The following PHACTR3 variants were observed in gnomAD, a reference collection of about 807,000 sequenced individuals.
PHACTR3 encodes protein phosphatase 1, regulatory subunit 123.
PHACTR3 carries 16 observed loss-of-function variants against 66.8 expected under a neutral mutation model. The observed-to-expected ratio is 0.24, with a 90% CI of 0.16 to 0.36. The LOEUF (loss-of-function observed/expected upper bound fraction) is 0.36, where lower values mean the gene tolerates loss of function less well. Ranked by LOEUF, PHACTR3 falls within the 10% of genes least tolerant of loss-of-function variation. The pLI, the probability that PHACTR3 is intolerant of heterozygous loss-of-function variation, is 1.00. For synonymous variants in PHACTR3, 323 were observed against 292.1 expected (o/e 1.11, Z -1.08); for missense variants, 647 against 719.9 (o/e 0.90, Z 1.16).
intron 7 of PHACTR3, among the ~76,000 whole-genome samples, chr20:59,783,884 G>A (rs7272815): frequency 0.038 from 5,770 of 152,292 alleles, 321 homozygotes; most frequent in African/African-American, 0.12. Flanking sequence ...CAGCTGTTCT[G>A]GGCCAGCCGT....
rs558623974 is a variant in PHACTR3 at position 59,738,255 on chromosome 20, C to T, written c.119-4852C>T. On this transcript the variant is annotated intron_variant, in intron 1 of 12. Transcript: ENST00000371015. The surrounding 1 kb of genome is among the most constrained non-coding windows in gnomAD (Gnocchi z 4.4). ...AGCCTGGGGTGCCTGGTCCCAGCCCCCATGTTCTTCACAGCTACGTCACAC... is the reference window on the plus strand; with the variant it reads ...AGCCTGGGGTGCCTGGTCCCAGCCCTCATGTTCTTCACAGCTACGTCACAC... Among the ~76,000 whole-genome samples the T allele has an allele frequency of 8.5e-5, 13 of 152,204 alleles. No individual in the cohort carries two copies. The South Asian group carries it at 1.9e-3, about 22-fold the overall frequency.
intron 1 of PHACTR3, among the ~76,000 whole-genome samples, chr20:59,652,913 T>C (rs767313176): frequency 4.6e-5 from 7 of 151,996 alleles, no homozygotes; most frequent in Admixed American, 6.6e-5. Flanking sequence ...TGCATTTTCA[T>C]GTGTGTGTGT....
chr20:59,776,640 G>A (rs1292177485), intron 7 of PHACTR3, among the ~76,000 whole-genome samples: 1 of 151,868 alleles, frequency 6.6e-6, no homozygotes, highest in Non-Finnish European at 1.5e-5. Context: ...TGGCGTTAAA[G>A]GTATAATGCA....
At chr20:59,588,167 G>A (rs2426792) in intron 1 of PHACTR3, among the ~76,000 whole-genome samples, 64,191 of 152,028 alleles carry the variant, frequency 0.42, 13,942 homozygotes, top group Non-Finnish European at 0.49. Flanking sequence ...CAGTAAAACA[G>A]ACAACCTCTC....
chr20:59,628,983 G>A (rs767777995), intron 1 of PHACTR3, among the ~76,000 whole-genome samples: 2 of 152,326 alleles, frequency 1.3e-5, no homozygotes, highest in South Asian at 4.1e-4. Flanking sequence ...GGTACAGTGA[G>A]GTTAACTAAA....
At chr20:59,649,144 A>AT (rs1342449508) in intron 1 of PHACTR3, among the ~76,000 whole-genome samples, 5 of 152,232 alleles carry the variant, frequency 3.3e-5, no homozygotes, top group Admixed American at 6.5e-5. Context: ...TTGGCCTAAT[A>AT]TAAAAAAAGA....
At chr20:59,582,921 T>C (rs752843177) in intron 1 of PHACTR3, among the ~76,000 whole-genome samples, 1 of 151,940 alleles carries the variant, frequency 6.6e-6, no homozygotes, top group African/African-American at 2.4e-5. Flanking sequence ...TGTGGTAAAA[T>C]GTATCCAGCT....
intron 7 of PHACTR3, among the ~76,000 whole-genome samples, chr20:59,805,441 G>T (rs902802146): frequency 6.6e-6 from 1 of 152,212 alleles, no homozygotes; most frequent in African/African-American, 2.4e-5. Flanking sequence ...AAAGATATCA[G>T]TTGGTTGGGG....
rs549069489 is a variant in PHACTR3 at position 59,823,669 on chromosome 20, A to G, written c.1329-12836A>G. ...TGGAGAGGAGTGAGTATTTAAAGGC[A>G]CTTGGAAGCAATCTCAGTGCAGAAT... On this transcript the variant is annotated intron_variant, in intron 8 of 12. Transcript: ENST00000371015. Among the ~76,000 whole-genome samples the G allele has an allele frequency of 3.9e-5, 6 of 152,290 alleles. No homozygotes were observed. In the South Asian group the frequency reaches 1.2e-3, roughly 32 times the overall value.
upstream of PHACTR3, chr20:59,603,569 C>A (rs1237355130): frequency 6.6e-6 from 1 of 152,270 alleles, no homozygotes; most frequent in Non-Finnish European, 1.5e-5. Flanking sequence ...ATGGGGGCAG[C>A]CTTAGGGAGG....
chr20:59,720,575 G>A (rs967003763), intron 1 of PHACTR3, among the ~76,000 whole-genome samples: 5 of 152,168 alleles, frequency 3.3e-5, no homozygotes, highest in Non-Finnish European at 7.3e-5. Flanking sequence ...CATGCAGCCC[G>A]AGGCCTCCTG....
chr20:59,691,689 A>T (rs2037113534), intron 1 of PHACTR3, among the ~76,000 whole-genome samples: 1 of 152,146 alleles, frequency 6.6e-6, no homozygotes, highest in Non-Finnish European at 1.5e-5. Context: ...AATATCTGAT[A>T]ACTTTAGCAG....
At position 59,841,230 on chromosome 20, in the gene PHACTR3, A is replaced by G. The variant is rs1274404115; in HGVS notation, c.1447-165A>G. ...TTGTGATTTAAGAGTACAGTATATA[A>G]TTTCAGCCCTTCACATTAGAGATTG... On this transcript the variant is annotated intron_variant, in intron 10 of 12. Coordinates refer to ENST00000371015, the MANE Select transcript of PHACTR3 (RefSeq NM_080672.5). Among the ~76,000 whole-genome samples, 3 of 152,090 alleles carry G rather than the reference A, an allele frequency of 2.0e-5. No homozygotes were observed. In the East Asian group the frequency reaches 5.8e-4, roughly 29 times the overall value.
intron 1 of PHACTR3, among the ~76,000 whole-genome samples, chr20:59,653,374 G>C (rs1269786940): frequency 1.3e-5 from 2 of 151,934 alleles, no homozygotes; most frequent in African/African-American, 4.8e-5. Context: ...TAATAGAGAC[G>C]GGGTTTCACT....
chr20:59,666,726 G>C (rs886175630), intron 1 of PHACTR3, among the ~76,000 whole-genome samples: 1 of 152,016 alleles, frequency 6.6e-6, no homozygotes, highest in Admixed American at 6.6e-5. Context: ...GAGAGGGAGA[G>C]AGACCTGATT....
intron 1 of PHACTR3, among the ~76,000 whole-genome samples, chr20:59,593,946 C>G: frequency 6.6e-6 from 1 of 152,204 alleles, no homozygotes; most frequent in East Asian, 1.9e-4. Context: ...AGTCTTCCAA[C>G]TTTGTTCTTC....
At chr20:59,844,107 C>G (rs987636758) in intron 11 of PHACTR3, 1 of 151,822 alleles carries the variant, frequency 6.6e-6, no homozygotes, top group Non-Finnish European at 1.5e-5. Flanking sequence ...AAATGCAAAT[C>G]AAAACCACGA....
At chr20:59,709,209 G>T (rs759731422) in intron 1 of PHACTR3, among the ~76,000 whole-genome samples, 3 of 152,178 alleles carry the variant, frequency 2.0e-5, no homozygotes, top group Non-Finnish European at 4.4e-5. Flanking sequence ...TTTGGTCCCA[G>T]TTGGCTTCAT....
At chr20:59,667,020 A>C (rs907613442) in intron 1 of PHACTR3, among the ~76,000 whole-genome samples, 10 of 152,392 alleles carry the variant, frequency 6.6e-5, no homozygotes, top group Admixed American at 5.9e-4. Flanking sequence ...CAAGGTGCCC[A>C]GCAGAGGCAC....
Sources: allele counts gnomAD v4.1 joint callset (sites outside exome capture counted in the v4.1 genomes callset), GRCh38; gene constraint gnomAD v4.1.1; non-coding constraint Gnocchi (gnomAD v3.1); transcripts MANE v1.5; gene names NCBI Gene and HGNC (gene_info 2026-07-23, HGNC 2026-07-21).